The following TBL1XR1 variants were observed in gnomAD, a reference collection of about 807,000 sequenced individuals.
The protein encoded by TBL1XR1 is TBL1X/Y related 1.
A neutral mutation model predicts 66.9 loss-of-function variants in TBL1XR1; 5 were observed. The ratio of observed to expected loss-of-function variants is 0.07; its 90% CI spans 0.04 to 0.16. The LOEUF is 0.16. TBL1XR1 is among the 10% of genes least tolerant of loss of function. The pLI is 1.00. For synonymous variants in TBL1XR1, 210 were observed against 206.0 expected, an observed-to-expected ratio of 1.02 and a Z score of -0.17; for missense variants, 238 against 623.2, an observed-to-expected ratio of 0.38 and a Z score of 6.58.
Position 177,046,126 on chromosome 3 carries a change from T to C in TBL1XR1, c.925+3A>G. On this transcript the variant is annotated splice_donor_region_variant and intron_variant, in intron 10 of 15. Transcript: ENST00000457928. ...GCTTTCACGTAAATTATAAGAAATT[T>C]ACCTGAATGAAAAGGAAACTGTTGC... The C allele has an allele frequency of 6.5e-7, 1 of 1,535,044 alleles. No homozygotes were observed. The highest frequency in any genetic ancestry group is 2.5e-5 in the East Asian group (1 of 40,798).
chr3:177,186,465 G>A (rs555693641), intron 1 of TBL1XR1, among the ~76,000 whole-genome samples: 1 of 152,112 alleles, frequency 6.6e-6, no homozygotes, highest in Non-Finnish European at 1.5e-5. Flanking sequence ...ACCCAAAGTA[G>A]ATGAGTCAAT....
intron 1 of TBL1XR1, among the ~76,000 whole-genome samples, chr3:177,157,684 C>A (rs1401626214): frequency 2.0e-5 from 3 of 152,040 alleles, no homozygotes; most frequent in African/African-American, 4.8e-5. Context: ...ATTCTCCCTA[C>A]CACAAAATGG....
At chr3:177,156,009 CAAAAT>C (rs1479450712) in intron 1 of TBL1XR1, among the ~76,000 whole-genome samples, 1 of 150,356 alleles carries the variant, frequency 6.7e-6, no homozygotes, top group Admixed American at 6.6e-5. Context: ...AACTCCATCT[CAAAAT>C]AAAAAAAGTA....
chr3:177,123,899 T>C (rs1018872149), intron 1 of TBL1XR1, among the ~76,000 whole-genome samples: 71 of 152,070 alleles, frequency 4.7e-4, no homozygotes, highest in African/African-American at 1.6e-3. Flanking sequence ...ATTTACACTA[T>C]CACGATTTAC....
At chr3:177,031,882 TTTTA>T (rs1433214934) in intron 14 of TBL1XR1, among the ~76,000 whole-genome samples, 2 of 152,010 alleles carry the variant, frequency 1.3e-5, no homozygotes, top group Non-Finnish European at 2.9e-5. Flanking sequence ...GGGTTTAGTT[TTTTA>T]GTCTATAAAG....
At chr3:177,089,276 A>G (rs568489340) in intron 2 of TBL1XR1, among the ~76,000 whole-genome samples, 1 of 152,250 alleles carries the variant, frequency 6.6e-6, no homozygotes, top group Admixed American at 6.5e-5. Context: ...TCATCACTCA[A>G]CTTTCCCAAG....
intron 1 of TBL1XR1, among the ~76,000 whole-genome samples, chr3:177,123,932 TTTC>T (rs1727299018): frequency 6.6e-6 from 1 of 152,102 alleles, no homozygotes; most frequent in Non-Finnish European, 1.5e-5. Flanking sequence ...TTCATGCAGC[TTTC>T]TTCAATTCAC....
chr3:177,041,959 A>C (rs944895040), intron 10 of TBL1XR1, among the ~76,000 whole-genome samples: 1 of 151,952 alleles, frequency 6.6e-6, no homozygotes, highest in African/African-American at 2.4e-5. Flanking sequence ...TCTCCTCTAG[A>C]GTCTTAGACT....
At chr3:177,186,200 T>G (rs1385063588) in intron 1 of TBL1XR1, among the ~76,000 whole-genome samples, 1 of 152,152 alleles carries the variant, frequency 6.6e-6, no homozygotes, top group East Asian at 1.9e-4. Flanking sequence ...AACCCCAGTC[T>G]GTAATTTTAC....
At chr3:177,132,125 CAGTG>C (rs1026441695) in intron 1 of TBL1XR1, among the ~76,000 whole-genome samples, 4 of 152,152 alleles carry the variant, frequency 2.6e-5, no homozygotes, top group Non-Finnish European at 5.9e-5. Context: ...TTACTGTTAA[CAGTG>C]AGACTGATGG....
At chr3:177,179,707 A>C (rs943404702) in intron 1 of TBL1XR1, among the ~76,000 whole-genome samples, 4 of 152,218 alleles carry the variant, frequency 2.6e-5, no homozygotes, top group African/African-American at 9.6e-5. Flanking sequence ...GACCATTAGC[A>C]TGCTGTTATG....
At position 177,167,189 on chromosome 3, in the gene TBL1XR1, G is replaced by T. The variant is rs376838104; in HGVS notation, c.-122+29932C>A. On this transcript the variant is annotated intron_variant, in intron 1 of 15. Transcript: ENST00000457928. Reference sequence around the variant, plus strand: ...AAAAAGAAATGAGCTATCAAACCATGAAAGGACATGGAGGAATCTTAAATA... The same window carrying T: ...AAAAAGAAATGAGCTATCAAACCATTAAAGGACATGGAGGAATCTTAAATA... 7.9e-5 allele frequency among the ~76,000 whole-genome samples: 12 copies of T among 152,292 alleles called. No individual in the cohort carries two copies. The East Asian group carries it at 2.1e-3, about 27-fold the overall frequency.
At chr3:177,061,395 G>A (rs573734368) in intron 3 of TBL1XR1, among the ~76,000 whole-genome samples, 2 of 152,268 alleles carry the variant, frequency 1.3e-5, no homozygotes, top group Admixed American at 6.5e-5. Context: ...AGTCAACACT[G>A]AACAATATGC....
chr3:177,086,168 A>G (rs1055927523), intron 2 of TBL1XR1, among the ~76,000 whole-genome samples: 1 of 151,410 alleles, frequency 6.6e-6, no homozygotes, highest in African/African-American at 2.4e-5. Context: ...AAAAAGTTAA[A>G]AAGAAACAGG....
At chr3:177,199,264 G>A (rs1737288789), upstream of TBL1XR1, among the ~76,000 whole-genome samples, 1 of 152,164 alleles carries the variant, frequency 6.6e-6, no homozygotes, top group African/African-American at 2.4e-5. Context: ...CAGGGAAACC[G>A]CACAAAGCAA....
chr3:177,124,666 G>C (rs192621805), intron 1 of TBL1XR1, among the ~76,000 whole-genome samples: 66 of 152,066 alleles, frequency 4.3e-4, no homozygotes, highest in Non-Finnish European at 9.3e-4. Flanking sequence ...TCTCCTTAAA[G>C]ACTCCTAAAA....
chr3:177,050,678 C>A, intron 5 of TBL1XR1, 68 bp from the exon 6 acceptor site: 3 of 1,570,608 alleles, frequency 1.9e-6, no homozygotes, highest in Non-Finnish European at 2.6e-6. Context: ...TGGGTGATTT[C>A]TTAACTAGCA....
At chr3:177,172,215 T>A (rs1029626534) in intron 1 of TBL1XR1, among the ~76,000 whole-genome samples, 4 of 143,486 alleles carry the variant, frequency 2.8e-5, no homozygotes, top group African/African-American at 7.8e-5. Context: ...GAGCCAAGAT[T>A]GCGCCACTGC....
At chr3:177,112,932 G>A (rs1291119446) in intron 1 of TBL1XR1, among the ~76,000 whole-genome samples, 1 of 152,046 alleles carries the variant, frequency 6.6e-6, no homozygotes, top group African/African-American at 2.4e-5. Context: ...GAATCTGAAA[G>A]GCGGAGGGAG....
Sources: allele counts gnomAD v4.1 joint callset (sites outside exome capture counted in the v4.1 genomes callset), GRCh38; gene constraint gnomAD v4.1.1; transcripts MANE v1.5; gene names NCBI Gene and HGNC (gene_info 2026-07-23, HGNC 2026-07-21).